PLEKHJ1: variants seen among roughly 807,000 people sequenced by gnomAD.
The protein encoded by PLEKHJ1 is pleckstrin homology domain-containing family J member 1.
Under a neutral mutation model 21.7 loss-of-function variants are expected in PLEKHJ1, and 20 were observed. The observed-to-expected ratio is 0.92, with a 90% CI of 0.65 to 1.34. The LOEUF (loss-of-function observed/expected upper bound fraction) is 1.34, where lower values mean the gene tolerates loss of function less well. Ranked by LOEUF, PLEKHJ1 falls within the 40% of genes most tolerant of loss-of-function variation. The probability of loss-of-function intolerance (pLI) is 0.00; values close to 1 mark genes in which losing one functional copy is unlikely to be tolerated. For missense variants in PLEKHJ1, 241 were observed against 202.0 expected (o/e 1.19, Z -1.17); for synonymous variants, 113 against 80.6 (o/e 1.40, Z -2.15).
In PLEKHJ1 at chr19:2,235,936, G is replaced by C; in HGVS notation, c.149C>G (p.Thr50Arg). The C allele has an allele frequency of 6.2e-7, 1 of 1,610,188 alleles. No individual in the cohort carries two copies. The highest frequency in any genetic ancestry group is 8.5e-7 in the Non-Finnish European group (1 of 1,178,952). ...GGACGCCCCTACCTCGGCCTCGTCT[G>C]TCCGAAAGTAGAAGAGGAAATTCAC... Reference protein sequence around the residue: ...LVVNFLFYFRTDEAEPVGALL... With the variant: ...LVVNFLFYFRRDEAEPVGALL... The change falls in exon 2 of 6, where the codon ACA (threonine) becomes AGA (arginine). Residue 50 changes from threonine to arginine, a missense_variant. Physicochemically the swap from Thr to Arg is moderately conservative, Grantham distance 71. Coordinates refer to ENST00000326631, the MANE Select transcript of PLEKHJ1 (RefSeq NM_018049.3).
downstream of PLEKHJ1, chr19:2,232,295 G>GA (rs2024636658): frequency 4.7e-6 from 1 of 214,626 alleles, no homozygotes; most frequent in Non-Finnish European, 9.3e-6. Context: ...TAATTTATCT[G>GA]CCCCCAGGAT....
chr19:2,230,060 C>T, downstream of PLEKHJ1: 4 of 602,766 alleles, frequency 6.6e-6, no homozygotes, highest in Non-Finnish European at 1.2e-5. Context: ...TGGTAAAAGG[C>T]AACTTATTGA....
downstream of PLEKHJ1, chr19:2,231,690 C>T (rs750109620): frequency 5.1e-5 from 11 of 213,746 alleles, no homozygotes; most frequent in Non-Finnish European, 8.5e-5. Flanking sequence ...TGCTCTGTGT[C>T]GCCACGGGCC....
In PLEKHJ1 at chr19:2,236,151, T is replaced by A; in HGVS notation, c.94+4A>T. The A allele has an allele frequency of 6.8e-7, 1 of 1,474,506 alleles. No homozygotes were observed. The highest frequency in any genetic ancestry group is 9.0e-7 in the Non-Finnish European group (1 of 1,115,032). The allele number at this position is 1,474,506 out of a possible 1,614,324, so 91.3% of individuals were successfully genotyped here. On this transcript the variant is annotated splice_donor_region_variant and intron_variant, in intron 1 of 5. Transcript: ENST00000326631. ...ACTGTCTCGGTCTCCCGGGTCCCGC[T>A]CACCGCTGCCCTTCTTGGGGCCCCT...
At chr19:2,232,188 T>C (rs2024629447), downstream of PLEKHJ1, 1 of 222,876 alleles carries the variant, frequency 4.5e-6, no homozygotes, top group African/African-American at 2.3e-5. Context: ...CGCCTGGGAG[T>C]GGCTCTTGCT....
rs1311397118 is a variant in PLEKHJ1, at chr19:2,233,538, C to T, written c.*302G>A. On this transcript the variant is annotated 3_prime_UTR_variant, in exon 6 of 6. Coordinates refer to ENST00000326631, the MANE Select transcript of PLEKHJ1 (RefSeq NM_018049.3). ...GCCCCTGCCCACACCCACCTGGCTT[C>T]AGGCTTTGGATGTCTCCAAACCAAA... 1 of 474,636 alleles carries T rather than the reference C, an allele frequency of 2.1e-6. No individual in the cohort carries two copies. The highest frequency in any genetic ancestry group is 3.7e-6 in the Non-Finnish European group (1 of 267,532). The allele number at this position is 474,636 out of a possible 1,614,324, so 29.4% of individuals were successfully genotyped here.
chr19:2,234,261 G>T (rs1392231146), intron 3 of PLEKHJ1, 21 bp from the exon 4 acceptor site: 9 of 1,593,054 alleles, frequency 5.6e-6, no homozygotes, highest in Non-Finnish European at 7.7e-6. Context: ...AACACCTGTG[G>T]TCGGTCCTAC....
downstream of PLEKHJ1, chr19:2,231,700 C>G (rs1036994031): frequency 4.7e-6 from 1 of 213,658 alleles, no homozygotes; most frequent in African/African-American, 2.3e-5. Flanking sequence ...CGCCACGGGC[C>G]GGATACGCCA....
rs1265454197 is a variant in PLEKHJ1, at chr19:2,236,237, G to C, written c.12C>G (p.Asn4Lys). ...GGGACAGAGCCTGCAGCTCCTTCTC[G>C]TTGTACCGCATGGCTCCGCGGGGAA... MRY[N>K]EKELQALSRQ... Residue 4 changes from asparagine (N) to lysine (K), a missense_variant, in exon 1 of 6, where the codon AAC (asparagine) becomes AAG (lysine). Transcript: ENST00000326631. 6.9e-7 allele frequency: 1 copy of C among 1,440,036 alleles called. No individual in the cohort carries two copies. The highest frequency in any genetic ancestry group is 9.1e-7 in the Non-Finnish European group (1 of 1,101,020). 89.2% of individuals were successfully genotyped at this position (1,440,036 alleles called of 1,614,324 possible). A position where few individuals can be genotyped will look rare whatever the true frequency, so the allele number is the denominator to read the frequency against.
At chr19:2,231,885 G>A (rs999726783), downstream of PLEKHJ1, 9 of 219,938 alleles carry the variant, frequency 4.1e-5, no homozygotes, top group Admixed American at 1.2e-4. Flanking sequence ...TTCAGGACAC[G>A]CACTGGGTCT....
chr19:2,233,476 AG>A lies in PLEKHJ1; in HGVS notation c.*363del. On this transcript the variant is annotated 3_prime_UTR_variant, in exon 6 of 6. Transcript: ENST00000326631. ...CCAGTTAGGTGGATCCTGGGGCCCC[AG>A]GGAGCGCAGCTTGCTGGGCAGTTTC... The A allele has an allele frequency of 3.5e-6, 1 of 282,772 alleles. No homozygotes were observed. The highest frequency in any genetic ancestry group is 6.7e-6 in the Non-Finnish European group (1 of 149,516). The allele number at this position is 282,772 out of a possible 1,614,324, so 17.5% of individuals were successfully genotyped here.
chr19:2,235,904 G>A lies in PLEKHJ1; in HGVS notation c.162+19C>T. 1 of 1,606,726 alleles carries A rather than the reference G, an allele frequency of 6.2e-7. No individual in the cohort carries two copies. The highest frequency in any genetic ancestry group is 1.1e-5 in the South Asian group (1 of 90,310). On this transcript the variant is annotated intron_variant, in intron 2 of 5. Transcript: ENST00000326631. ...GGGGCCCAGCCTGGGACCCGCCCGCGCGCCCGGGACGCCCCTACCTCGGCC... is the reference window on the plus strand; with the variant it reads ...GGGGCCCAGCCTGGGACCCGCCCGCACGCCCGGGACGCCCCTACCTCGGCC...
Position 2,234,124 on chromosome 19 carries a change from C to G in PLEKHJ1, c.320+26G>C, listed in dbSNP as rs1212821659. 1.9e-6 allele frequency: 3 copies of G among 1,612,078 alleles called. No individual in the cohort carries two copies. In the Admixed American group the frequency reaches 5.0e-5, roughly 27 times the overall value. On this transcript the variant is annotated intron_variant, in intron 4 of 5. Coordinates refer to ENST00000326631, the MANE Select transcript of PLEKHJ1 (RefSeq NM_018049.3). ...TGCATGGCTGCTGTGCCCACCCCAG[C>G]AGTGCCCACCACCGCCTGGCCCCAC...
chr19:2,236,325 A>C lies in PLEKHJ1; in HGVS notation c.-77T>G. Reference sequence around the variant, plus strand: ...GCTCAGGCTGGGGCCGGCGCCAAAAATGTCTCAGGGCGCAGACACGGAAGC... The same window carrying C: ...GCTCAGGCTGGGGCCGGCGCCAAAACTGTCTCAGGGCGCAGACACGGAAGC... On this transcript the variant is annotated 5_prime_UTR_variant, in exon 1 of 6. Transcript: ENST00000326631. The C allele has an allele frequency of 9.6e-6, 9 of 938,154 alleles. No individual in the cohort carries two copies. The highest frequency in any genetic ancestry group is 2.7e-5 in the South Asian group (1 of 36,598). 58.1% of individuals were successfully genotyped at this position (938,154 alleles called of 1,614,324 possible).
In PLEKHJ1 at chr19:2,234,179, C is replaced by T. The variant is rs1193597484; in HGVS notation, c.291G>A (p.Gln97=). The change falls in exon 4 of 6, where the codon CAG becomes CAA. Residue 97 remains glutamine (Q), a synonymous_variant. Coordinates refer to ENST00000326631, the MANE Select transcript of PLEKHJ1 (RefSeq NM_018049.3). The stretch of plus-strand genomic sequence containing the variant: ...CCCGACGCAGAGCCTCCATCCACTC[C>T]TGACACTGCTCCTCGCTGCTGCACT... ...HFECSSEEQC[Q]EWMEALRRAS... 1.2e-6 allele frequency: 2 copies of T among 1,613,108 alleles called. No individual in the cohort carries two copies. Among genetic ancestry groups the T allele is most frequent in the South Asian group, 2.2e-5 (2 of 91,084 alleles).
downstream of PLEKHJ1, chr19:2,231,413 G>A (rs752168611): frequency 1.5e-5 from 3 of 204,754 alleles, no homozygotes; most frequent in African/African-American, 2.3e-5. Flanking sequence ...AAAGGCTTCT[G>A]TGGTTGCTAG....
rs1568383341 is a variant in PLEKHJ1 at position 2,233,228 on chromosome 19, C to G, written c.*612G>C. On this transcript the variant is annotated 3_prime_UTR_variant, in exon 6 of 6. Coordinates refer to ENST00000326631, the MANE Select transcript of PLEKHJ1 (RefSeq NM_018049.3). The stretch of plus-strand genomic sequence containing the variant: ...GGCAACCACTTCCCCAGGTGCACAG[C>G]CAGGGCCCTCCTGTCTGCAGGAGAA... 6.5e-6 allele frequency: 1 copy of G among 153,012 alleles called. No homozygotes were observed. Among genetic ancestry groups the G allele is most frequent in the Non-Finnish European group, 1.5e-5 (1 of 68,408 alleles). 9.5% of individuals were successfully genotyped at this position (153,012 alleles called of 1,614,324 possible).
chr19:2,233,858 C>A lies in PLEKHJ1; in HGVS notation c.432G>T (p.Leu144=). 1 of 1,611,186 alleles carries A rather than the reference C, an allele frequency of 6.2e-7. No individual in the cohort carries two copies. The change falls in exon 6 of 6, where the codon CTG becomes CTT. Residue 144 remains leucine (L), a synonymous_variant. Coordinates refer to ENST00000326631, the MANE Select transcript of PLEKHJ1 (RefSeq NM_018049.3). ...FGISEEARFQ[L]SGLQA ...CCTGCGCTCACGCCTGCAAGCCACT[C>A]AGCTGGAACCTGGCCTCCTCGGATA...
chr19:2,234,509 G>C (rs2024731144), intron 3 of PLEKHJ1: 2 of 422,790 alleles, frequency 4.7e-6, no homozygotes, highest in East Asian at 4.4e-5. Context: ...TCAGGAGTTC[G>C]AGACCAGCCT....
Sources: allele counts gnomAD v4.1 joint callset, GRCh38; gene constraint gnomAD v4.1.1; transcripts MANE v1.5; gene names NCBI Gene and HGNC (gene_info 2026-07-23, HGNC 2026-07-21).